KCNB2: variants seen among roughly 807,000 people sequenced by gnomAD.
KCNB2 encodes the protein potassium voltage-gated channel subfamily B member 2.
Under a neutral mutation model 61.5 loss-of-function variants are expected in KCNB2, and 15 were observed. The ratio of observed to expected loss-of-function variants is 0.24; its 90% CI spans 0.16 to 0.38. The LOEUF (loss-of-function observed/expected upper bound fraction) is 0.38, where lower values mean the gene tolerates loss of function less well. Ranked by LOEUF, KCNB2 falls within the 10% of genes least tolerant of loss-of-function variation. KCNB2 has a pLI of 1.00. For synonymous variants in KCNB2, 457 were observed against 446.0 expected, an observed-to-expected ratio of 1.02 and a Z score of -0.31; for missense variants, 828 against 1,125.2, an observed-to-expected ratio of 0.74 and a Z score of 3.78.
At chr8:72,775,142 A>C (rs1484488536) in intron 2 of KCNB2, among the ~76,000 whole-genome samples, 1 of 152,128 alleles carries the variant, frequency 6.6e-6, no homozygotes, top group Non-Finnish European at 1.5e-5. Flanking sequence ...GAGGAAGGAC[A>C]GTGAGACCAG....
At chr8:72,846,611 A>C (rs1328838267) in intron 2 of KCNB2, among the ~76,000 whole-genome samples, 1 of 152,216 alleles carries the variant, frequency 6.6e-6, no homozygotes, top group South Asian at 2.1e-4. Flanking sequence ...ATGAAGACAC[A>C]CTTCTCAAAA....
intron 2 of KCNB2, among the ~76,000 whole-genome samples, chr8:72,675,084 C>A (rs189480520): frequency 2.1e-4 from 32 of 152,092 alleles, no homozygotes; most frequent in Non-Finnish European, 4.3e-4. Flanking sequence ...GTAGAAATGA[C>A]TAATGGGGCT....
At chr8:72,763,419 A>C (rs1012191692) in intron 2 of KCNB2, among the ~76,000 whole-genome samples, 5 of 152,062 alleles carry the variant, frequency 3.3e-5, no homozygotes, top group Admixed American at 6.6e-5. Flanking sequence ...CTACATGTTG[A>C]CAGATATGCT....
chr8:72,739,179 A>C (rs1245800711), intron 2 of KCNB2, among the ~76,000 whole-genome samples: 1 of 151,948 alleles, frequency 6.6e-6, no homozygotes, highest in Non-Finnish European at 1.5e-5. Context: ...CTTCTTTTAT[A>C]GTCAAATATT....
At position 72,937,793 on chromosome 8, in the gene KCNB2, A is replaced by G; in HGVS notation, c.2438A>G (p.Glu813Gly). Residue 813 changes from glutamate (E) to glycine (G), a missense_variant, in exon 3 of 3, where the codon GAA becomes GGA. By Grantham distance (98) the Glu-to-Gly change is moderately conservative (BLOSUM62 -2). Coordinates refer to ENST00000523207, the MANE Select transcript of KCNB2 (RefSeq NM_004770.3). ...SFTEIDTGDD[E>G]DFLELPGARE... is the part of the protein sequence containing the mutation. The stretch of plus-strand genomic sequence containing the variant: ...ACTGAAATAGATACTGGTGACGACG[A>G]AGACTTCTTAGAGCTCCCAGGGGCA... 6.2e-7 allele frequency: 1 copy of G among 1,614,010 alleles called. No homozygotes were observed. Among genetic ancestry groups the G allele is most frequent in the Middle Eastern group, 1.6e-4 (1 of 6,062 alleles).
Position 72,936,910 on chromosome 8 carries a change from G to T in KCNB2, c.1555G>T (p.Asp519Tyr), listed in dbSNP as rs149424569. The change falls in exon 3 of 3, where the codon GAC (aspartate) becomes TAC (tyrosine). Residue 519 changes from aspartate (D) to tyrosine (Y), a missense_variant. Physicochemically the swap from Asp to Tyr is radical, Grantham distance 160 (BLOSUM62 -3). Coordinates refer to ENST00000523207, the MANE Select transcript of KCNB2 (RefSeq NM_004770.3). The surrounding 1 kb of genome is among the most constrained non-coding windows in gnomAD (Gnocchi z 5.6). ...TAAGTACCAGGAGGTTAGCCAAAAA[G>T]ACTCCCACGAGCAGCTGAACAACAC... ...ENKYQEVSQK[D>Y]SHEQLNNTSS... 6.2e-7 allele frequency: 1 copy of T among 1,614,006 alleles called. No homozygotes were observed. The highest frequency in any genetic ancestry group is 8.5e-7 in the Non-Finnish European group (1 of 1,180,026).
At chr8:72,589,577 G>A (rs866508486) in intron 2 of KCNB2, among the ~76,000 whole-genome samples, 4 of 152,164 alleles carry the variant, frequency 2.6e-5, no homozygotes, top group African/African-American at 9.6e-5. Context: ...GCCATCCTAC[G>A]GAAGGAGGAG....
intron 1 of KCNB2, among the ~76,000 whole-genome samples, 181 bp downstream of exon 1, chr8:72,538,066 G>T (rs182203848): frequency 6.6e-6 from 1 of 152,098 alleles, no homozygotes; most frequent in African/African-American, 2.4e-5. Context: ...CTCCTTCCCG[G>T]TGGGGAAGGC....
At chr8:72,781,918 A>C (rs565611385) in intron 2 of KCNB2, among the ~76,000 whole-genome samples, 6 of 152,090 alleles carry the variant, frequency 3.9e-5, no homozygotes, top group Non-Finnish European at 1.5e-5. Flanking sequence ...AAATGAGAAC[A>C]CAGGGTCATA....
chr8:72,679,670 T>G (rs1806720781), intron 2 of KCNB2, among the ~76,000 whole-genome samples: 1 of 152,242 alleles, frequency 6.6e-6, no homozygotes, highest in Admixed American at 6.5e-5. Context: ...TTATCTATAT[T>G]TTGTCCTGAA....
chr8:72,736,290 C>A (rs1807845070), intron 2 of KCNB2, among the ~76,000 whole-genome samples: 1 of 151,688 alleles, frequency 6.6e-6, no homozygotes, highest in South Asian at 2.1e-4. Flanking sequence ...AGCTTGAAAT[C>A]TAAAATATAT....
chr8:72,805,490 A>G (rs1347743821), intron 2 of KCNB2, among the ~76,000 whole-genome samples: 1 of 152,202 alleles, frequency 6.6e-6, no homozygotes, highest in Non-Finnish European at 1.5e-5. Context: ...GTTGAAGAAC[A>G]TTATCTTAGA....
At chr8:72,789,593 T>TA (rs1251350801) in intron 2 of KCNB2, among the ~76,000 whole-genome samples, 3 of 152,102 alleles carry the variant, frequency 2.0e-5, no homozygotes, top group Non-Finnish European at 4.4e-5. Flanking sequence ...GTAGGACTTA[T>TA]ATCAGGGAAT....
At chr8:72,575,559 A>C (rs1012288860) in intron 2 of KCNB2, among the ~76,000 whole-genome samples, 6 of 152,160 alleles carry the variant, frequency 3.9e-5, no homozygotes, top group Non-Finnish European at 5.9e-5. Context: ...GTTTTATTGA[A>C]TATTACATAT....
intron 1 of KCNB2, among the ~76,000 whole-genome samples, chr8:72,549,888 A>G (rs1220451438): frequency 2.0e-5 from 3 of 152,230 alleles, no homozygotes; most frequent in African/African-American, 7.2e-5. Context: ...TATAGCATAG[A>G]CAAGAAACTA....
chr8:72,927,336 T>A (rs1018353585), intron 2 of KCNB2, among the ~76,000 whole-genome samples: 3 of 152,018 alleles, frequency 2.0e-5, no homozygotes, highest in African/African-American at 7.3e-5. Flanking sequence ...AGTGGTGCGA[T>A]CTTGGCTCAC....
At position 72,937,836 on chromosome 8, in the gene KCNB2, G is replaced by A. The variant is rs751477315; in HGVS notation, c.2481G>A (p.Val827=). ...ELPGAREEKQ[V]DSSPNCFADK... is the part of the protein sequence containing the mutation. The stretch of plus-strand genomic sequence containing the variant: ...CAGGGGCAAGGGAGGAGAAGCAGGT[G>A]GACTCCAGCCCAAATTGCTTTGCAG... The change falls in exon 3 of 3, where the codon GTG becomes GTA. Residue 827 remains valine (V), a synonymous_variant. Transcript: ENST00000523207. 2 of 1,614,012 alleles carry A rather than the reference G, an allele frequency of 1.2e-6. No individual in the cohort carries two copies. The highest frequency in any genetic ancestry group is 1.7e-6 in the Non-Finnish European group (2 of 1,179,996).
At chr8:72,861,436 G>A (rs571903741) in intron 2 of KCNB2, among the ~76,000 whole-genome samples, 42 of 152,304 alleles carry the variant, frequency 2.8e-4, no homozygotes, top group Non-Finnish European at 3.5e-4. Context: ...CATTTCCCGA[G>A]GCTGGTCTTG....
At position 72,561,705 on chromosome 8, in the gene KCNB2, A is replaced by ATG. The variant is rs1186323623; in HGVS notation, c.-93-5936_-93-5935insGT. 4.4e-4 allele frequency among the ~76,000 whole-genome samples: 9 copies of ATG among 20,254 alleles called. No homozygotes were observed. The African/African-American group carries it at 4.7e-3, about 10-fold the overall frequency. The allele number at this position is 20,254 out of a possible 152,430, so 13.3% of individuals were successfully genotyped here. A position where few individuals can be genotyped will look rare whatever the true frequency, so the allele number is the denominator to read the frequency against. ...GGATCTTACTTTTATATATATATAT[A>ATG]TATATATATATATATATATATATCT... On this transcript the variant is annotated intron_variant, in intron 1 of 2. Transcript: ENST00000523207.
Sources: allele counts gnomAD v4.1 joint callset (sites outside exome capture counted in the v4.1 genomes callset), GRCh38; gene constraint gnomAD v4.1.1; non-coding constraint Gnocchi (gnomAD v3.1); transcripts MANE v1.5; gene names NCBI Gene and HGNC (gene_info 2026-07-23, HGNC 2026-07-21).